Variants in PCGF3 observed in about 807,000 individuals in gnomAD.
The protein encoded by PCGF3 is polycomb group ring finger 3.
Under a neutral mutation model 33.1 loss-of-function variants are expected in PCGF3, and 7 were observed. The ratio of observed to expected loss-of-function variants is 0.21; its 90% CI spans 0.12 to 0.40. The LOEUF is 0.40. Among genes scored for constraint, PCGF3 ranks in the 10% least tolerant of loss-of-function variants. PCGF3 has a pLI of 1.00. For missense variants in PCGF3, 211 were observed against 313.3 expected, an observed-to-expected ratio of 0.67 and a Z score of 2.46; for synonymous variants, 153 against 121.3, an observed-to-expected ratio of 1.26 and a Z score of -1.72.
chr4:756,718 C>G (rs574959821), intron 8 of PCGF3, among the ~76,000 whole-genome samples: 1 of 152,274 alleles, frequency 6.6e-6, no homozygotes, highest in African/African-American at 2.4e-5. Flanking sequence ...GCCACCACCA[C>G]CACCATCATC....
At chr4:742,902 C>A (rs1259187985) in intron 6 of PCGF3, among the ~76,000 whole-genome samples, 2 of 152,230 alleles carry the variant, frequency 1.3e-5, no homozygotes, top group African/African-American at 4.8e-5. Context: ...GCCTGGGACA[C>A]ATGGTCCCCG....
intron 10 of PCGF3, 59 bp downstream of exon 10, chr4:765,123 A>C: frequency 8.5e-7 from 1 of 1,181,756 alleles, no homozygotes; most frequent in Non-Finnish European, 1.3e-6. Flanking sequence ...TTTGCTGTGC[A>C]TCTCTTATCT....
At chr4:764,139 G>A (rs1337570262) in intron 9 of PCGF3, among the ~76,000 whole-genome samples, 1 of 152,172 alleles carries the variant, frequency 6.6e-6, no homozygotes, top group East Asian at 1.9e-4. Context: ...CATCCGCTCT[G>A]GACTCGGTGG....
intron 1 of PCGF3, among the ~76,000 whole-genome samples, chr4:708,592 C>T (rs1742433595): frequency 6.6e-6 from 1 of 152,182 alleles, no homozygotes; most frequent in African/African-American, 2.4e-5. Flanking sequence ...AGCCCACAGG[C>T]TCCACACCTC....
At chr4:730,810 C>CG in intron 2 of PCGF3, 142 bp downstream of exon 2, 2 of 388,092 alleles carry the variant, frequency 5.2e-6, no homozygotes, top group African/African-American at 4.1e-5. Context: ...TGGAGCCATG[C>CG]GTGGGTCCTT....
intron 1 of PCGF3, among the ~76,000 whole-genome samples, chr4:715,622 G>A (rs1269243041): frequency 0.024 from 1,800 of 73,688 alleles, 12 homozygotes; most frequent in Non-Finnish European, 0.033. Flanking sequence ...CTGGGACCCT[G>A]TAGACACTTA....
intron 8 of PCGF3, among the ~76,000 whole-genome samples, chr4:753,926 T>A (rs990249011): frequency 4.6e-5 from 7 of 152,202 alleles, no homozygotes; most frequent in South Asian, 2.1e-4. Context: ...AGAGCGAGAC[T>A]CTGACCTTCT....
chr4:767,261 C>T (rs1006589967), exon 11 of PCGF3: 1 of 152,106 alleles, frequency 6.6e-6, no homozygotes, highest in Admixed American at 6.5e-5. Context: ...TAGCCCCTCT[C>T]CTCCCGGATG....
chr4:743,250 C>T lies in PCGF3; in HGVS notation c.263-224C>T, dbSNP rs1208163205. Among the ~76,000 whole-genome samples, 4 of 152,226 alleles carry T rather than the reference C, an allele frequency of 2.6e-5. No individual in the cohort carries two copies. The South Asian group carries it at 6.2e-4, about 24-fold the overall frequency. On this transcript the variant is annotated intron_variant, in intron 6 of 10. Coordinates refer to ENST00000362003, the Ensembl canonical transcript of PCGF3. ...TCCTAGGCCTGGAGCAGCCGGTCTG[C>T]GACTCAACGTCCCACGTGGGTTGGT... is the stretch of plus-strand genomic sequence containing the variant.
chr4:726,112 G>A (rs1393301344), intron 1 of PCGF3, among the ~76,000 whole-genome samples: 1 of 152,246 alleles, frequency 6.6e-6, no homozygotes, highest in Admixed American at 6.5e-5. Context: ...GAATGGTCTC[G>A]TGGGTGCGCA....
At chr4:761,589 G>T (rs188612155) in intron 9 of PCGF3, 173 bp downstream of exon 9, 2 of 927,062 alleles carry the variant, frequency 2.2e-6, no homozygotes, top group Non-Finnish European at 2.6e-6. Context: ...CAGCCCTAAG[G>T]GTTGTAGGAT....
At chr4:710,062 G>A (rs891741692) in intron 1 of PCGF3, among the ~76,000 whole-genome samples, 6 of 152,192 alleles carry the variant, frequency 3.9e-5, no homozygotes, top group Non-Finnish European at 7.3e-5. Flanking sequence ...GTGTTTTTAG[G>A]CCGTGCTGAG....
chr4:741,779 A>G (rs1272238602), intron 6 of PCGF3, among the ~76,000 whole-genome samples: 1 of 152,108 alleles, frequency 6.6e-6, no homozygotes, highest in Non-Finnish European at 1.5e-5. Flanking sequence ...TTATTCTTAC[A>G]GGTGAAAATT....
intron 3 of PCGF3, among the ~76,000 whole-genome samples, chr4:732,799 C>T (rs1743656412): frequency 6.6e-6 from 1 of 152,206 alleles, no homozygotes; most frequent in African/African-American, 2.4e-5. Context: ...GAGCGAAGTC[C>T]CAGTAGTGGG....
At chr4:747,861 C>T (rs1373662066) in intron 8 of PCGF3, among the ~76,000 whole-genome samples, 3 of 145,404 alleles carry the variant, frequency 2.1e-5, no homozygotes, top group South Asian at 4.5e-4. Flanking sequence ...TGTTTTCTTC[C>T]TCCCGACTTC....
At chr4:722,763 CAT>C (rs1743156789) in intron 1 of PCGF3, among the ~76,000 whole-genome samples, 2 of 90,444 alleles carry the variant, frequency 2.2e-5, no homozygotes, top group Non-Finnish European at 4.3e-5. Flanking sequence ...GCGACATCGC[CAT>C]CCACGCCGGG....
At chr4:743,446 T>C (rs760662852) in intron 6 of PCGF3, 28 bp from the exon 7 acceptor site, 4 of 1,332,268 alleles carry the variant, frequency 3.0e-6, no homozygotes, top group Non-Finnish European at 4.3e-6. Context: ...GCCTGTGAGA[T>C]GAAAGACTGT....
At chr4:760,116 G>A (rs1028782029) in intron 8 of PCGF3, among the ~76,000 whole-genome samples, 14 of 152,334 alleles carry the variant, frequency 9.2e-5, no homozygotes, top group African/African-American at 2.2e-4. Flanking sequence ...TGGCTCTTGC[G>A]GGGCCTTTAA....
In PCGF3 at chr4:752,244, G is replaced by A. The variant is rs538844643; in HGVS notation, c.462+7556G>A. 8.3e-4 allele frequency among the ~76,000 whole-genome samples: 126 copies of A among 152,304 alleles called. 1 individual carries two copies. The highest frequency in any genetic ancestry group is 2.8e-3 in the African/African-American group (118 of 41,566). On this transcript the variant is annotated intron_variant, in intron 8 of 10. Transcript: ENST00000362003. ...TCCCTGGTCGTTCTTTCTCCTCTCA[G>A]TTCTGCCTCCCGCAGTCCCTGCATC...
Sources: gnomAD v4.1 joint callset for allele counts (sites outside exome capture counted in the v4.1 genomes callset) on GRCh38, gnomAD v4.1.1 for gene constraint, MANE v1.5 for transcripts, NCBI Gene and HGNC (gene_info 2026-07-23, HGNC 2026-07-21) for gene names.